The following CMKLR1 variants were observed in gnomAD, a reference collection of about 807,000 sequenced individuals.
CMKLR1 encodes the protein chemerin-like receptor 1.
CMKLR1 carries 6 observed loss-of-function variants against 8.2 expected under a neutral mutation model. The observed-to-expected ratio is 0.73, with a 90% CI of 0.40 to 1.44. CMKLR1 has a LOEUF of 1.44. Among genes scored for constraint, CMKLR1 ranks in the 40% most tolerant of loss-of-function variants. The pLI, the probability that CMKLR1 is intolerant of heterozygous loss-of-function variation, is 0.02. For missense variants in CMKLR1, 429 were observed against 478.0 expected, an observed-to-expected ratio of 0.90 and a Z score of 0.96; for synonymous variants, 178 against 181.2, an observed-to-expected ratio of 0.98 and a Z score of 0.14.
chr12:108,337,498 C>T (rs192307151), intron 1 of CMKLR1, among the ~76,000 whole-genome samples: 1 of 152,246 alleles, frequency 6.6e-6, no homozygotes, highest in African/African-American at 2.4e-5. Context: ...CTCTAGGGGC[C>T]TCCCGGCTAG....
rs1345335942 is a variant in CMKLR1 at position 108,319,018 on chromosome 12, A to C, written c.-74+10977T>G. Among the ~76,000 whole-genome samples, 3 of 152,234 alleles carry C rather than the reference A, an allele frequency of 2.0e-5. No homozygotes were observed. In the East Asian group the frequency reaches 5.8e-4, roughly 29 times the overall value. On this transcript the variant is annotated intron_variant, in intron 2 of 3. Transcript: ENST00000550402. ...GGTGCCTGCCTCACTTCCAGGCAAG[A>C]GTCCTCATCTCCCTCTTTGTAGCAC...
intron 2 of CMKLR1, 122 bp from the exon 3 acceptor site, chr12:108,293,786 G>A (rs1891057144): frequency 6.4e-6 from 4 of 627,680 alleles, no homozygotes; most frequent in South Asian, 6.2e-5. Context: ...AGAGAAGGAA[G>A]CAGAAGTTCA....
At chr12:108,304,508 T>G (rs1249230278) in intron 2 of CMKLR1, among the ~76,000 whole-genome samples, 1 of 152,200 alleles carries the variant, frequency 6.6e-6, no homozygotes, top group Non-Finnish European at 1.5e-5. Context: ...CCTTTGTCTC[T>G]TTCCCTGCTT....
intron 1 of CMKLR1, among the ~76,000 whole-genome samples, chr12:108,330,588 A>T (rs1466592978): frequency 1.3e-5 from 2 of 152,216 alleles, no homozygotes; most frequent in African/African-American, 4.8e-5. Flanking sequence ...CCAATTCGTG[A>T]TTCTTCTGGG....
In CMKLR1 at chr12:108,289,887, G is replaced by A. The variant is rs917186469; in HGVS notation, c.*1954C>T. The A allele has an allele frequency of 6.6e-6, 1 of 152,264 alleles. No homozygotes were observed. The highest frequency in any genetic ancestry group is 2.1e-4 in the South Asian group (1 of 4,834). 9.4% of individuals were successfully genotyped at this position (152,264 alleles called of 1,614,324 possible). A position where few individuals can be genotyped will look rare whatever the true frequency, so the allele number is the denominator to read the frequency against. On this transcript the variant is annotated 3_prime_UTR_variant, in exon 4 of 4. Coordinates refer to ENST00000550402, the MANE Select transcript of CMKLR1 (RefSeq NM_001142343.2). ...GGCCTCGGGAACTCGCCCAGCGCGG[G>A]GTAGACATTGCATCTGTTCATTGCA...
At chr12:108,295,524 C>G (rs576597066) in intron 2 of CMKLR1, among the ~76,000 whole-genome samples, 1 of 152,236 alleles carries the variant, frequency 6.6e-6, no homozygotes, top group Non-Finnish European at 1.5e-5. Flanking sequence ...GACAAAGAGA[C>G]AGTGTTGAGG....
rs758748891 is a variant in CMKLR1 at position 108,301,795 on chromosome 12, T to A, written c.-73-8131A>T. Among the ~76,000 whole-genome samples the A allele has an allele frequency of 3.1e-4, 47 of 152,324 alleles. 1 individual carries two copies. Among genetic ancestry groups the A allele is most frequent in the African/African-American group, 7.2e-5 (3 of 41,574 alleles). On this transcript the variant is annotated intron_variant, in intron 2 of 3. Transcript: ENST00000550402. ...GTGTTATTGTTATTAGTGTTGCTAT[T>A]TGTGGCTCCACTCAATTGCTCATCT...
intron 2 of CMKLR1, among the ~76,000 whole-genome samples, chr12:108,295,684 G>T (rs920616017): frequency 1.3e-5 from 2 of 152,208 alleles, no homozygotes; most frequent in East Asian, 3.9e-4. Context: ...AAGGAGGAAG[G>T]GCACGCCGGG....
intron 2 of CMKLR1, among the ~76,000 whole-genome samples, chr12:108,295,911 G>A (rs952238407): frequency 1.3e-5 from 2 of 152,150 alleles, no homozygotes; most frequent in South Asian, 2.1e-4. Context: ...TAGAGCTGGG[G>A]CCAGGCTGGG....
chr12:108,330,519 G>A (rs952584), intron 1 of CMKLR1, among the ~76,000 whole-genome samples: 1 of 151,954 alleles, frequency 6.6e-6, no homozygotes, highest in Non-Finnish European at 1.5e-5. Context: ...ATGGTGAGGG[G>A]TGTGGACTTC....
chr12:108,301,364 C>T (rs1051728731), intron 2 of CMKLR1, among the ~76,000 whole-genome samples: 7 of 152,148 alleles, frequency 4.6e-5, no homozygotes, highest in Middle Eastern at 3.4e-3. Context: ...GTATGAGCCA[C>T]CGTGCTCGGC....
Position 108,289,729 on chromosome 12 carries a change from A to G in CMKLR1, c.*2112T>C, listed in dbSNP as rs184297449. 12 of 152,358 alleles carry G rather than the reference A, an allele frequency of 7.9e-5. No homozygotes were observed. The highest frequency in any genetic ancestry group is 1.5e-4 in the Non-Finnish European group (10 of 68,052). 9.4% of individuals were successfully genotyped at this position (152,358 alleles called of 1,614,324 possible). A position where few individuals can be genotyped will look rare whatever the true frequency, so the allele number is the denominator to read the frequency against. The stretch of plus-strand genomic sequence containing the variant: ...CTCCCTTTTTGCTCTCAAACCGTCT[A>G]TATTCAAACTCTTTAAAGCATTCAG... On this transcript the variant is annotated 3_prime_UTR_variant, in exon 4 of 4. Coordinates refer to ENST00000550402, the MANE Select transcript of CMKLR1 (RefSeq NM_001142343.2).
At chr12:108,322,546 C>T (rs1384076580) in intron 2 of CMKLR1, among the ~76,000 whole-genome samples, 1 of 152,120 alleles carries the variant, frequency 6.6e-6, no homozygotes, top group Non-Finnish European at 1.5e-5. Flanking sequence ...TTCACTGTGT[C>T]CAGGCAGCCT....
chr12:108,299,037 A>T (rs1891202156), intron 2 of CMKLR1, among the ~76,000 whole-genome samples: 1 of 152,204 alleles, frequency 6.6e-6, no homozygotes. Context: ...AATCTGCAAA[A>T]TGAGGATGAT....
rs35140046 is a variant in CMKLR1, at chr12:108,310,163, CTGTGTG to C, written c.-73-16505_-73-16500del. Among the ~76,000 whole-genome samples, 258 of 142,462 alleles carry C rather than the reference CTGTGTG, an allele frequency of 1.8e-3. 2 individuals carry two copies. Among genetic ancestry groups the C allele is most frequent in the East Asian group, 4.9e-3 (23 of 4,688 alleles). 93.5% of individuals were successfully genotyped at this position (142,462 alleles called of 152,430 possible). A position where few individuals can be genotyped will look rare whatever the true frequency, so the allele number is the denominator to read the frequency against. ...AGGCTTGAAAAAGTGTGGTTAGGGGCTGTGTGTGTGTGTGTGTGTGTGTGTGTGTGT... is the reference window on the plus strand; with the variant it reads ...AGGCTTGAAAAAGTGTGGTTAGGGGCTGTGTGTGTGTGTGTGTGTGTGTGT... On this transcript the variant is annotated intron_variant, in intron 2 of 3. Coordinates refer to ENST00000550402, the MANE Select transcript of CMKLR1 (RefSeq NM_001142343.2).
At chr12:108,321,931 G>A (rs1215252010) in intron 2 of CMKLR1, among the ~76,000 whole-genome samples, 7 of 152,180 alleles carry the variant, frequency 4.6e-5, no homozygotes, top group Non-Finnish European at 7.4e-5. Flanking sequence ...GGTCATAGGG[G>A]TGGATCCCTC....
intron 2 of CMKLR1, among the ~76,000 whole-genome samples, chr12:108,327,362 C>T (rs1593178257): frequency 6.6e-6 from 1 of 152,194 alleles, no homozygotes; most frequent in Middle Eastern, 3.4e-3. Context: ...GCCTGTAGTC[C>T]TAGCTAACTT....
chr12:108,302,959 C>G (rs1891316765), intron 2 of CMKLR1, among the ~76,000 whole-genome samples: 1 of 152,048 alleles, frequency 6.6e-6, no homozygotes, highest in Non-Finnish European at 1.5e-5. Flanking sequence ...TTATGTCAAC[C>G]CTCCCTCCTC....
At chr12:108,304,362 G>T (rs374518608) in intron 2 of CMKLR1, among the ~76,000 whole-genome samples, 4 of 152,270 alleles carry the variant, frequency 2.6e-5, no homozygotes, top group South Asian at 4.1e-4. Flanking sequence ...TGTGTCCTAT[G>T]GGCTCAGTGT....
Sources: gnomAD v4.1 joint callset for allele counts (sites outside exome capture counted in the v4.1 genomes callset) on GRCh38, gnomAD v4.1.1 for gene constraint, MANE v1.5 for transcripts, NCBI Gene and HGNC (gene_info 2026-07-23, HGNC 2026-07-21) for gene names.